WARS1: variants seen among roughly 807,000 people sequenced by gnomAD.
WARS1 encodes tryptophan--tRNA ligase, cytoplasmic.
In WARS1, 17 loss-of-function variants were observed where a neutral mutation model predicts 47.8. That is an observed-to-expected ratio of 0.36 (90% confidence interval 0.24 to 0.53). The LOEUF is 0.53. Ranked by LOEUF, WARS1 falls within the 20% of genes least tolerant of loss-of-function variation. The pLI is 0.91. For synonymous variants in WARS1, 208 were observed against 228.1 expected (o/e 0.91, Z 0.79); for missense variants, 434 against 608.0 (o/e 0.71, Z 3.01).
chr14:100,338,932 C>T (rs1893933225), intron 9 of WARS1, among the ~76,000 whole-genome samples: 1 of 151,054 alleles, frequency 6.6e-6, no homozygotes, highest in Non-Finnish European at 1.5e-5. Flanking sequence ...CATGAAGAAA[C>T]CCCGTCTCTA....
At position 100,373,824 on chromosome 14, in the gene WARS1, TTGTGTGTGTGTGTGTG is replaced by T. The variant is rs59475595; in HGVS notation, c.-74+1443_-74+1458del. The stretch of plus-strand genomic sequence containing the variant: ...GGGAATCATCCACACTATTGAAATC[TTGTGTGTGTGTGTGTG>T]TGTGTGTGTGTGTGTGTGTGTGTGT... On this transcript the variant is annotated intron_variant, in intron 1 of 10. Transcript: ENST00000392882. The surrounding 1 kb of genome is among the most constrained non-coding windows in gnomAD (Gnocchi z 4.4). 0.014 allele frequency among the ~76,000 whole-genome samples: 2,077 copies of T among 148,152 alleles called. 25 individuals are homozygous for T. Among genetic ancestry groups the T allele is most frequent in the African/African-American group, 0.034 (1,374 of 40,204 alleles).
rs34070753 is a variant in WARS1 at position 100,342,706 on chromosome 14, C to CAT, written c.940-137_940-136dup. The CAT allele has an allele frequency of 0.98, 728,166 of 739,380 alleles. 359,392 individuals carry two copies. Among genetic ancestry groups the CAT allele is most frequent in the East Asian group, 1 (36,107 of 36,110 alleles). 45.8% of individuals were successfully genotyped at this position (739,380 alleles called of 1,614,324 possible). On this transcript the variant is annotated intron_variant, in intron 8 of 10. Transcript: ENST00000392882. Reference sequence around the variant, plus strand: ...AAGAAATTCACTCCCTCCTCCCCTTCATCTTTTCCTTTTTTTTTTTTAAAT... The same window carrying CAT: ...AAGAAATTCACTCCCTCCTCCCCTTCATATCTTTTCCTTTTTTTTTTTTAAAT...
At chr14:100,350,185 C>CACGA (rs55839845) in intron 6 of WARS1, among the ~76,000 whole-genome samples, 142 of 151,876 alleles carry the variant, frequency 9.3e-4, no homozygotes, top group African/African-American at 3.2e-3. Context: ...CACTTGAGGT[C>CACGA]GTTCGAGACC....
At position 100,366,660 on chromosome 14, in the gene WARS1, G is replaced by T; in HGVS notation, c.99+2427C>A. 3 of 772,904 alleles carry T rather than the reference G, an allele frequency of 3.9e-6. No individual in the cohort carries two copies. The Admixed American group carries it at 5.2e-5, about 13-fold the overall frequency. 47.9% of individuals were successfully genotyped at this position (772,904 alleles called of 1,614,324 possible). A position where few individuals can be genotyped will look rare whatever the true frequency, so the allele number is the denominator to read the frequency against. ...GGACATGGACATGAGCATGGACATC[G>T]TAAAATGGAACTTCTAGATTACAGA... On this transcript the variant is annotated intron_variant, in intron 2 of 10. Transcript: ENST00000392882.
At chr14:100,360,802 T>C in intron 3 of WARS1, 140 bp from the exon 4 acceptor site, 1 of 519,094 alleles carries the variant, frequency 1.9e-6, no homozygotes, top group Non-Finnish European at 3.4e-6. Flanking sequence ...CTAAAGGTCC[T>C]TACCCCCAAC....
intron 9 of WARS1, chr14:100,342,092 A>G: frequency 2.7e-6 from 1 of 375,114 alleles, no homozygotes; most frequent in Non-Finnish European, 5.2e-6. Context: ...TTATAACTTT[A>G]AGGAAATTGC....
In WARS1 at chr14:100,337,081, T is replaced by C. The variant is rs777322305; in HGVS notation, c.1235A>G (p.Lys412Arg). Reference sequence around the variant, plus strand: ...GCTCACCTTCCTGATCTGCTCGAGCTTGTCGTCGTCCTCGAGGAAGAAGGT... The same window carrying C: ...GCTCACCTTCCTGATCTGCTCGAGCCTGTCGTCGTCCTCGAGGAAGAAGGT... Reference protein sequence around the residue: ...YLTFFLEDDDKLEQIRKDYTS... With the variant: ...YLTFFLEDDDRLEQIRKDYTS... Residue 412 changes from lysine (K) to arginine (R), a missense_variant, in exon 10 of 11, where the codon AAG (lysine) becomes AGG (arginine). Lys to Arg is a conservative substitution (Grantham distance 26). Coordinates refer to ENST00000392882, the MANE Select transcript of WARS1 (RefSeq NM_004184.4). 10 of 1,613,944 alleles carry C rather than the reference T, an allele frequency of 6.2e-6. No individual in the cohort carries two copies. In the African/African-American group the frequency reaches 1.2e-4, roughly 19 times the overall value.
At chr14:100,343,489 T>A in intron 7 of WARS1, 102 bp from the exon 8 acceptor site, 2 of 780,322 alleles carry the variant, frequency 2.6e-6, no homozygotes, top group South Asian at 3.9e-5. Context: ...TATAAAACAA[T>A]CATTAAAATA....
intron 4 of WARS1, among the ~76,000 whole-genome samples, chr14:100,356,173 A>G (rs531005489): frequency 1.7e-3 from 257 of 152,274 alleles, no homozygotes; most frequent in Non-Finnish European, 2.9e-3. Context: ...AATTTTACAG[A>G]TGACAAAATT....
chr14:100,354,488 T>A lies in WARS1; in HGVS notation c.501A>T (p.Glu167Asp). The A allele has an allele frequency of 6.2e-7, 1 of 1,614,184 alleles. No homozygotes were observed. Among genetic ancestry groups the A allele is most frequent in the Non-Finnish European group, 8.5e-7 (1 of 1,180,028 alleles). ...GAATGAGGTGACCTACATGCATTGC[T>A]TCAGAAGAGGGGCCCCGGCCCGTGT... ...YLYTGRGPSS[E>D]AMHVGHLIPF... Residue 167 changes from glutamate to aspartate, a missense_variant, in exon 5 of 11, where the codon GAA becomes GAT. Physicochemically the swap from Glu to Asp is conservative, Grantham distance 45. This residue lies in a region of WARS1 where 347 missense variants were observed against 523.8 expected (regional missense o/e 0.66). Coordinates refer to ENST00000392882, the MANE Select transcript of WARS1 (RefSeq NM_004184.4).
At chr14:100,358,723 G>C (rs536678268) in intron 4 of WARS1, among the ~76,000 whole-genome samples, 2 of 152,270 alleles carry the variant, frequency 1.3e-5, no homozygotes, top group African/African-American at 4.8e-5. Context: ...AGGACTATCA[G>C]TAGAGTGAAG....
At position 100,354,585 on chromosome 14, in the gene WARS1, G is replaced by C; in HGVS notation, c.423-19C>G. The stretch of plus-strand genomic sequence containing the variant: ...CATATCTCTAAAGGAAAAAGGAGAA[G>C]AGGAAGAGTGTGATTTTCTGAGAAA... On this transcript the variant is annotated intron_variant, in intron 4 of 10. Transcript: ENST00000392882. The C allele has an allele frequency of 6.3e-7, 1 of 1,587,536 alleles. No individual in the cohort carries two copies. The highest frequency in any genetic ancestry group is 1.7e-4 in the Middle Eastern group (1 of 5,940).
chr14:100,358,487 G>T (rs974908113), intron 4 of WARS1, among the ~76,000 whole-genome samples: 3 of 152,106 alleles, frequency 2.0e-5, no homozygotes, highest in East Asian at 1.9e-4. Context: ...ACAAGCAAAA[G>T]AATGAAGTTG....
intron 10 of WARS1, among the ~76,000 whole-genome samples, chr14:100,336,516 A>G (rs1275832598): frequency 6.6e-6 from 1 of 152,150 alleles, no homozygotes; most frequent in Non-Finnish European, 1.5e-5. Context: ...ACTTTTTGCT[A>G]TTATCATTTT....
At chr14:100,353,899 GTC>G in intron 5 of WARS1, 30 bp from the exon 6 acceptor site, 1 of 1,602,346 alleles carries the variant, frequency 6.2e-7, no homozygotes, top group African/African-American at 1.3e-5. Context: ...GAAAGCTGAC[GTC>G]TCATCTCCCC....
At chr14:100,365,295 TCGGGC>T (rs1053350994) in intron 2 of WARS1, among the ~76,000 whole-genome samples, 25 of 151,436 alleles carry the variant, frequency 1.7e-4, no homozygotes, top group Non-Finnish European at 2.9e-4. Context: ...GTGTCGGAAG[TCGGGC>T]CGGGCGTGGT....
In WARS1 at chr14:100,353,851, A is replaced by T. The variant is rs768914572; in HGVS notation, c.561T>A (p.Phe187Leu). 1.9e-6 allele frequency: 3 copies of T among 1,613,902 alleles called. No individual in the cohort carries two copies. The highest frequency in any genetic ancestry group is 2.5e-6 in the Non-Finnish European group (3 of 1,179,998). ...FIFTKWLQDV[F>L]NVPLVIQMTD... Reference sequence around the variant, plus strand: ...TCATCTGGATGACCAAGGGCACGTTAAATACATCCTGGAGCCACCTAAAGA... The same window carrying T: ...TCATCTGGATGACCAAGGGCACGTTTAATACATCCTGGAGCCACCTAAAGA... Residue 187 changes from phenylalanine to leucine, a missense_variant, in exon 6 of 11, where the codon TTT becomes TTA. Phe to Leu is a conservative substitution (Grantham distance 22). Around this residue, in one of 2 missense-constraint regions of WARS1, gnomAD observed 347 missense variants for 523.8 expected, o/e 0.66. Transcript: ENST00000392882.
At chr14:100,352,074 C>A (rs1005390927) in intron 6 of WARS1, among the ~76,000 whole-genome samples, 4 of 149,676 alleles carry the variant, frequency 2.7e-5, no homozygotes, top group African/African-American at 9.8e-5. Context: ...ATACATTGCT[C>A]TCAATGGATA....
chr14:100,336,781 T>C, intron 10 of WARS1: 2 of 340,062 alleles, frequency 5.9e-6, no homozygotes, highest in Non-Finnish European at 1.1e-5. Flanking sequence ...TGTCTTAGCT[T>C]TGATCACGTT....
Sources: allele counts gnomAD v4.1 joint callset (sites outside exome capture counted in the v4.1 genomes callset), GRCh38; gene constraint gnomAD v4.1.1; regional missense constraint gnomAD v4.1.1; non-coding constraint Gnocchi (gnomAD v3.1); transcripts MANE v1.5; gene names NCBI Gene and HGNC (gene_info 2026-07-23, HGNC 2026-07-21).